SLC1A2: variants seen among roughly 807,000 people sequenced by gnomAD.
SLC1A2 encodes excitatory amino acid transporter 2.
A neutral mutation model predicts 48.8 loss-of-function variants in SLC1A2; 15 were observed. That is an observed-to-expected ratio of 0.31 (90% confidence interval 0.21 to 0.47). The LOEUF is 0.47. Among genes scored for constraint, SLC1A2 ranks in the 20% least tolerant of loss-of-function variants. The pLI is 0.99. For missense variants in SLC1A2, 502 were observed against 730.5 expected (o/e 0.69, Z 3.61); for synonymous variants, 279 against 272.6 (o/e 1.02, Z -0.23).
chr11:35,410,465 A>C (rs1332276143), intron 1 of SLC1A2, among the ~76,000 whole-genome samples: 2 of 152,180 alleles, frequency 1.3e-5, no homozygotes, highest in African/African-American at 4.8e-5. Context: ...GGACGCCTGG[A>C]TATTCTGATC....
intron 5 of SLC1A2, among the ~76,000 whole-genome samples, chr11:35,305,087 G>A (rs1851463498): frequency 6.6e-6 from 1 of 152,096 alleles, no homozygotes; most frequent in Non-Finnish European, 1.5e-5. Flanking sequence ...CCCAGGTTTT[G>A]GCCAAATGCC....
At position 35,312,369 on chromosome 11, in the gene SLC1A2, A is replaced by C. The variant is rs761116029; in HGVS notation, c.390T>G (p.Ile130Met). 6.2e-7 allele frequency: 1 copy of C among 1,614,164 alleles called. No homozygotes were observed. The highest frequency in any genetic ancestry group is 8.5e-7 in the Non-Finnish European group (1 of 1,180,000). ...AMVYYMSTTI[I>M]AAVLGVILVL... Reference sequence around the variant, plus strand: ...CCAGAATGACCCCCAGTACTGCAGCAATGATGGTCGTGGACATGTAATACA... The same window carrying C: ...CCAGAATGACCCCCAGTACTGCAGCCATGATGGTCGTGGACATGTAATACA... Residue 130 changes from isoleucine (I) to methionine (M), a missense_variant, in exon 4 of 11, where the codon ATT becomes ATG. Physicochemically the swap from Ile to Met is conservative, Grantham distance 10. Around this residue, in one of 4 missense-constraint regions of SLC1A2, gnomAD observed 309 missense variants for 480.3 expected, o/e 0.64. Transcript: ENST00000278379.
chr11:35,411,251 G>T (rs987729231), intron 1 of SLC1A2, among the ~76,000 whole-genome samples: 1 of 152,032 alleles, frequency 6.6e-6, no homozygotes, highest in Non-Finnish European at 1.5e-5. Context: ...ACCATATGTT[G>T]CATATAAATA....
intron 1 of SLC1A2, chr11:35,370,831 C>T (rs1854035647): frequency 9.7e-6 from 4 of 413,732 alleles, no homozygotes; most frequent in Non-Finnish European, 1.3e-5. Context: ...GGTAGAATTT[C>T]CATGACCTCC....
At chr11:35,386,211 G>GT (rs1284030808) in intron 1 of SLC1A2, among the ~76,000 whole-genome samples, 2 of 151,944 alleles carry the variant, frequency 1.3e-5, no homozygotes, top group Non-Finnish European at 2.9e-5. Flanking sequence ...AATAATGACA[G>GT]TTTTCTTTTC....
intron 1 of SLC1A2, among the ~76,000 whole-genome samples, chr11:35,396,396 G>A (rs1385851243): frequency 5.3e-5 from 7 of 132,044 alleles, no homozygotes; most frequent in Non-Finnish European, 7.9e-5. Context: ...GTATCTCATA[G>A]TGGTTTTGAT....
intron 1 of SLC1A2, chr11:35,404,636 G>A (rs1855231703): frequency 6.6e-6 from 1 of 152,232 alleles, no homozygotes; most frequent in African/African-American, 2.4e-5. Context: ...CAAAGCAGCA[G>A]GAAAATCACC....
At chr11:35,295,383 G>A (rs748769122) in intron 6 of SLC1A2, among the ~76,000 whole-genome samples, 2 of 152,096 alleles carry the variant, frequency 1.3e-5, no homozygotes, top group African/African-American at 2.4e-5. Flanking sequence ...CCTTCACTCC[G>A]AAACTGGGAC....
intron 1 of SLC1A2, among the ~76,000 whole-genome samples, chr11:35,349,232 A>G (rs1853152739): frequency 6.6e-6 from 1 of 152,230 alleles, no homozygotes; most frequent in Non-Finnish European, 1.5e-5. Context: ...AGATGAGATC[A>G]GGGTAAAAAC....
At chr11:35,405,399 A>C (rs950985106) in intron 1 of SLC1A2, among the ~76,000 whole-genome samples, 1 of 148,440 alleles carries the variant, frequency 6.7e-6, no homozygotes, top group African/African-American at 2.5e-5. Context: ...CTTTTTCTAA[A>C]TCAGTTTTCA....
At position 35,257,952 on chromosome 11, in the gene SLC1A2, G is replaced by A. The variant is rs1403611348; in HGVS notation, c.*2942C>T. ...ATTCATATATATGTTGAACCAATTA[G>A]GATAAATCTATACATATAATTGACA... On this transcript the variant is annotated 3_prime_UTR_variant, in exon 11 of 11. Coordinates refer to ENST00000278379, the MANE Select transcript of SLC1A2 (RefSeq NM_004171.4). 1 of 152,134 alleles carries A rather than the reference G, an allele frequency of 6.6e-6. No individual in the cohort carries two copies. Among genetic ancestry groups the A allele is most frequent in the African/African-American group, 2.4e-5 (1 of 41,422 alleles). The allele number at this position is 152,134 out of a possible 1,614,324, so 9.4% of individuals were successfully genotyped here. A position where few individuals can be genotyped will look rare whatever the true frequency, so the allele number is the denominator to read the frequency against.
intron 1 of SLC1A2, among the ~76,000 whole-genome samples, chr11:35,379,416 A>AC (rs1463768244): frequency 3.9e-5 from 6 of 152,160 alleles, no homozygotes; most frequent in Non-Finnish European, 8.8e-5. Context: ...GGCAATACAG[A>AC]CTTTTTTTTA....
intron 1 of SLC1A2, among the ~76,000 whole-genome samples, chr11:35,375,759 G>A (rs1373473276): frequency 6.6e-6 from 1 of 152,226 alleles, no homozygotes; most frequent in East Asian, 1.9e-4. Context: ...GGCTACAGAG[G>A]AGGGTGAGCA....
Position 35,257,773 on chromosome 11 carries a change from TA to T in SLC1A2, c.*3120del, listed in dbSNP as rs1221481121. ...TTTCTCCTGAAATGATTCTGATTCC[TA>T]AAAAACATGAATGAGTCTATAGCAA... On this transcript the variant is annotated 3_prime_UTR_variant, in exon 11 of 11. Transcript: ENST00000278379. 6.6e-6 allele frequency: 1 copy of T among 152,180 alleles called. No homozygotes were observed. Among genetic ancestry groups the T allele is most frequent in the African/African-American group, 2.4e-5 (1 of 41,434 alleles). The allele number at this position is 152,180 out of a possible 1,614,324, so 9.4% of individuals were successfully genotyped here. A position where few individuals can be genotyped will look rare whatever the true frequency, so the allele number is the denominator to read the frequency against.
chr11:35,319,897 C>T (rs1852002827), intron 1 of SLC1A2, among the ~76,000 whole-genome samples: 1 of 152,192 alleles, frequency 6.6e-6, no homozygotes, highest in Non-Finnish European at 1.5e-5. Flanking sequence ...ATATGGAAGA[C>T]TTGTAAGAGT....
chr11:35,314,896 C>T (rs908672567), intron 3 of SLC1A2, 127 bp downstream of exon 3: 11 of 605,340 alleles, frequency 1.8e-5, no homozygotes, highest in Non-Finnish European at 2.9e-5. Flanking sequence ...GACGGGAAAA[C>T]CAAAGCTCTG....
chr11:35,320,664 AG>A (rs767377034), intron 1 of SLC1A2, among the ~76,000 whole-genome samples: 2 of 152,246 alleles, frequency 1.3e-5, no homozygotes, highest in Non-Finnish European at 2.9e-5. Context: ...CAGCTCTAAA[AG>A]GGCCCCTTGC....
At chr11:35,326,464 G>C (rs1350983505) in intron 1 of SLC1A2, among the ~76,000 whole-genome samples, 2 of 152,204 alleles carry the variant, frequency 1.3e-5, no homozygotes, top group Non-Finnish European at 2.9e-5. Context: ...TTGACTAAGA[G>C]GTGGTTTAAT....
chr11:35,368,082 T>C (rs1413271991), intron 1 of SLC1A2, among the ~76,000 whole-genome samples: 1 of 152,196 alleles, frequency 6.6e-6, no homozygotes, highest in Non-Finnish European at 1.5e-5. Flanking sequence ...CTCAGAAAGA[T>C]TGAAAAAGAA....
Sources: allele counts gnomAD v4.1 joint callset (sites outside exome capture counted in the v4.1 genomes callset), GRCh38; gene constraint gnomAD v4.1.1; regional missense constraint gnomAD v4.1.1; transcripts MANE v1.5; gene names NCBI Gene and HGNC (gene_info 2026-07-23, HGNC 2026-07-21).